RRP7A: variants seen among roughly 807,000 people sequenced by gnomAD.
RRP7A encodes ribosomal RNA processing 7 homolog A, also known as ribosomal RNA-processing protein 7 homolog A.
In RRP7A, 27 loss-of-function variants were observed where a neutral mutation model predicts 38.4. The ratio of observed to expected loss-of-function variants is 0.70; its 90% CI spans 0.52 to 0.97. The LOEUF is 0.97. Among genes scored for constraint, RRP7A ranks in the 50% least tolerant of loss-of-function variants. The pLI is 0.00. For synonymous variants in RRP7A, 124 were observed against 150.3 expected, an observed-to-expected ratio of 0.83 and a Z score of 1.28; for missense variants, 327 against 375.4, an observed-to-expected ratio of 0.87 and a Z score of 1.07.
At position 42,512,390 on chromosome 22, in the gene RRP7A, T is replaced by G; in HGVS notation, c.*520A>C. 1 of 667,968 alleles carries G rather than the reference T, an allele frequency of 1.5e-6. No homozygotes were observed. The highest frequency in any genetic ancestry group is 2.9e-5 in the Admixed American group (1 of 34,060). The allele number at this position is 667,968 out of a possible 1,614,324, so 41.4% of individuals were successfully genotyped here. A position where few individuals can be genotyped will look rare whatever the true frequency, so the allele number is the denominator to read the frequency against. ...ATGGTAGTCAGGGGAAGGAGCGAGA[T>G]TCCAACTTCAACATCTGTGACCTCA... On this transcript the variant is annotated 3_prime_UTR_variant, in exon 7 of 7. Transcript: ENST00000323013.
In RRP7A at chr22:42,511,914, TC is replaced by T; in HGVS notation, c.*995del. The T allele has an allele frequency of 1.6e-6, 1 of 642,916 alleles. No homozygotes were observed. The highest frequency in any genetic ancestry group is 2.8e-6 in the Non-Finnish European group (1 of 354,516). The allele number at this position is 642,916 out of a possible 1,614,324, so 39.8% of individuals were successfully genotyped here. ...AGCTGGCCTAGACCCCTGGGAGGCC[TC>T]CAAGTCCCTAAGGTTAGACATCTCC... On this transcript the variant is annotated 3_prime_UTR_variant, in exon 7 of 7. Coordinates refer to ENST00000323013, the MANE Select transcript of RRP7A (RefSeq NM_015703.5).
In RRP7A at chr22:42,514,263, C is replaced by T. The variant is rs1334940866; in HGVS notation, c.600G>A (p.Glu200=). ...GGCGGGTCACCTTCACCCAGCCCTC[C>T]TCGTCAGGGACCCCCTCCTCCTCCT... ...KAKEEEGVPD[E]EGWVKVTRRG... The change falls in exon 6 of 7, where the codon GAG becomes GAA. Residue 200 remains glutamate, a synonymous_variant. Coordinates refer to ENST00000323013, the MANE Select transcript of RRP7A (RefSeq NM_015703.5). 2.5e-6 allele frequency: 4 copies of T among 1,602,068 alleles called. No homozygotes were observed. The highest frequency in any genetic ancestry group is 3.4e-5 in the Admixed American group (2 of 58,964).
At chr22:42,514,605 T>C (rs2179231) in intron 5 of RRP7A, 77 bp downstream of exon 5, 130,184 of 1,203,822 alleles carry the variant, frequency 0.11, 8,657 homozygotes, top group Admixed American at 0.22. Context: ...AGGCCACCAC[T>C]GCCCTCCCTC....
At chr22:42,517,808 C>T (rs184946436) in intron 2 of RRP7A, among the ~76,000 whole-genome samples, 197 bp downstream of exon 2, 1 of 152,230 alleles carries the variant, frequency 6.6e-6, no homozygotes, top group Non-Finnish European at 1.5e-5. Context: ...GCATGAGCCA[C>T]CGTGCCTGGC....
rs775475843 is a variant in RRP7A at position 42,511,695 on chromosome 22, GTGGCTGGCTGGC to G, written c.*1203_*1214del. The G allele has an allele frequency of 3.6e-4, 61 of 168,880 alleles. No individual in the cohort carries two copies. The highest frequency in any genetic ancestry group is 6.1e-4 in the Admixed American group (10 of 16,336). The allele number at this position is 168,880 out of a possible 1,614,324, so 10.5% of individuals were successfully genotyped here. On this transcript the variant is annotated 3_prime_UTR_variant, in exon 7 of 7. Transcript: ENST00000323013. ...CACCACAAAAGGAAGAAGCCCACCT[GTGGCTGGCTGGC>G]TGGCCGCCAGGTCAGAGCCAAGGCA...
chr22:42,512,583 G>T lies in RRP7A; in HGVS notation c.*327C>A. 1 of 541,556 alleles carries T rather than the reference G, an allele frequency of 1.8e-6. No individual in the cohort carries two copies. Among genetic ancestry groups the T allele is most frequent in the Non-Finnish European group, 3.3e-6 (1 of 301,828 alleles). The allele number at this position is 541,556 out of a possible 1,614,324, so 33.5% of individuals were successfully genotyped here. On this transcript the variant is annotated 3_prime_UTR_variant, in exon 7 of 7. Coordinates refer to ENST00000323013, the MANE Select transcript of RRP7A (RefSeq NM_015703.5). Reference sequence around the variant, plus strand: ...TCACTGCTTTTGAGGCTTTTTCGTTGCCAGCAAGGGCTTTTGCATTGAGGG... The same window carrying T: ...TCACTGCTTTTGAGGCTTTTTCGTTTCCAGCAAGGGCTTTTGCATTGAGGG...
intron 5 of RRP7A, 142 bp from the exon 6 acceptor site, chr22:42,514,446 G>A: frequency 1.3e-6 from 1 of 790,654 alleles, no homozygotes. Flanking sequence ...ACAGTGTTGG[G>A]GCTAAGGATG....
rs1264724383 is a variant in RRP7A at position 42,509,223 on chromosome 22, G to T, written c.*3687C>A. 23 of 1,542,940 alleles carry T rather than the reference G, an allele frequency of 1.5e-5. No individual in the cohort carries two copies. The South Asian group carries it at 1.9e-4, about 13-fold the overall frequency. On this transcript the variant is annotated 3_prime_UTR_variant, in exon 7 of 7. Transcript: ENST00000323013. ...AAGTTCTCTGCGTGTCGACCACATC[G>T]CTAAGACTCAAGATCTTTTTTGGGA...
In RRP7A at chr22:42,509,850, G is replaced by GTGTGTGTGT. The variant is rs1555985851; in HGVS notation, c.*3059_*3060insACACACACA. On this transcript the variant is annotated 3_prime_UTR_variant, in exon 7 of 7. Coordinates refer to ENST00000323013, the MANE Select transcript of RRP7A (RefSeq NM_015703.5). ...AAGCCTGTTGGGGGTGGGGGGGTGG[G>GTGTGTGTGT]GTGTGTGTGTGTGTGTGTAAGCTCA... The GTGTGTGTGT allele has an allele frequency of 3.9e-4, 22 of 56,894 alleles. No homozygotes were observed. Among genetic ancestry groups the GTGTGTGTGT allele is most frequent in the East Asian group, 6.4e-4 (1 of 1,560 alleles). The allele number at this position is 56,894 out of a possible 1,614,324, so 3.5% of individuals were successfully genotyped here. A position where few individuals can be genotyped will look rare whatever the true frequency, so the allele number is the denominator to read the frequency against.
In RRP7A at chr22:42,509,028, GCA is replaced by G; in HGVS notation, c.*3880_*3881del. The stretch of plus-strand genomic sequence containing the variant: ...ATTCACCATGTTTTTGTCTCTGCAG[GCA>G]GAGAACAGCATTGACTTCGTCAGCA... On this transcript the variant is annotated 3_prime_UTR_variant, in exon 7 of 7. Transcript: ENST00000323013. The G allele has an allele frequency of 6.2e-7, 1 of 1,609,382 alleles. No homozygotes were observed. Among genetic ancestry groups the G allele is most frequent in the East Asian group, 2.2e-5 (1 of 44,890 alleles).
At chr22:42,518,922 A>G (rs1920939027) in intron 1 of RRP7A, among the ~76,000 whole-genome samples, 1 of 150,968 alleles carries the variant, frequency 6.6e-6, no homozygotes, top group African/African-American at 2.4e-5. Context: ...AACTTGTATC[A>G]ATTGTGAAAG....
In RRP7A at chr22:42,518,024, A is replaced by C. The variant is rs761090267; in HGVS notation, c.197T>G (p.Val66Gly). The change falls in exon 2 of 7, where the codon GTG becomes GGG. Residue 66 changes from valine (V) to glycine (G), a missense_variant. Val to Gly is a moderately radical substitution (Grantham distance 109). This residue lies in a region of RRP7A where 183 missense variants were observed against 141.8 expected (regional missense o/e 1.29). Transcript: ENST00000323013. Reference protein sequence around the residue: ...PQKRTLFVLNVPPYCTEESLS... With the variant: ...PQKRTLFVLNGPPYCTEESLS... ...GCTCACCTCTGTGCAGTATGGGGGC[A>C]CATTGAGGACAAAAAGAGTCCTCTT... 3 of 1,613,378 alleles carry C rather than the reference A, an allele frequency of 1.9e-6. No homozygotes were observed. The Admixed American group carries it at 5.0e-5, about 27-fold the overall frequency.
At chr22:42,517,360 A>G (rs982668962) in intron 2 of RRP7A, among the ~76,000 whole-genome samples, 1 of 150,986 alleles carries the variant, frequency 6.6e-6, no homozygotes, top group Admixed American at 6.6e-5. Flanking sequence ...AAAAAAAAAA[A>G]AAAAAATTAA....
At chr22:42,519,688 C>G (rs370321667) in intron 1 of RRP7A, 26 bp downstream of exon 1, 1 of 1,440,316 alleles carries the variant, frequency 6.9e-7, no homozygotes, top group Non-Finnish European at 9.1e-7. Flanking sequence ...TGACCGCCCC[C>G]GGTCTCGCGT....
rs761361106 is a variant in RRP7A at position 42,519,770 on chromosome 22, C to T, written c.17G>A (p.Arg6Lys). 2 of 1,448,218 alleles carry T rather than the reference C, an allele frequency of 1.4e-6. No individual in the cohort carries two copies. The highest frequency in any genetic ancestry group is 1.8e-6 in the Non-Finnish European group (2 of 1,101,834). 89.7% of individuals were successfully genotyped at this position (1,448,218 alleles called of 1,614,324 possible). Residue 6 changes from arginine (R) to lysine (K), a missense_variant, in exon 1 of 7, where the codon AGG becomes AAG. Physicochemically the swap from Arg to Lys is conservative, Grantham distance 26. This residue lies in a region of RRP7A where 183 missense variants were observed against 141.8 expected (regional missense o/e 1.29). Transcript: ENST00000323013. MVARR[R>K]KCAARDPEDR... ...CTCCGGGTCCCGCGCGGCGCACTTC[C>T]TCCTGCGCGCCACCATCTTGCCACC... is the stretch of plus-strand genomic sequence containing the variant.
At position 42,514,172 on chromosome 22, in the gene RRP7A, G is replaced by T. The variant is rs141279637; in HGVS notation, c.691C>A (p.Arg231=). The T allele has an allele frequency of 6.2e-7, 1 of 1,613,138 alleles. No homozygotes were observed. Among genetic ancestry groups the T allele is most frequent in the Non-Finnish European group, 8.5e-7 (1 of 1,179,804 alleles). Residue 231 remains arginine (R), a synonymous_variant, in exon 6 of 7, where the codon CGG becomes AGG. Coordinates refer to ENST00000323013, the MANE Select transcript of RRP7A (RefSeq NM_015703.5). The part of the protein sequence containing the change: ...ASLRVLERER[R]KRSRKELLNF... ...AGCAGCTCTTTTCGGCTGCGCTTCCGTCTCTCCCTCTCCAGCACCCGCAAG... is the reference window on the plus strand; with the variant it reads ...AGCAGCTCTTTTCGGCTGCGCTTCCTTCTCTCCCTCTCCAGCACCCGCAAG...
chr22:42,513,960 G>A, intron 6 of RRP7A, 146 bp downstream of exon 6: 1 of 716,382 alleles, frequency 1.4e-6, no homozygotes, highest in Non-Finnish European at 2.3e-6. Flanking sequence ...TCTTTCCACA[G>A]AGTCTGGTGC....
At chr22:42,515,496 G>A (rs887732504) in intron 3 of RRP7A, among the ~76,000 whole-genome samples, 2 of 152,254 alleles carry the variant, frequency 1.3e-5, no homozygotes, top group African/African-American at 4.8e-5. Flanking sequence ...CTCCTCCCCA[G>A]GAAGAGGGGA....
At position 42,509,633 on chromosome 22, in the gene RRP7A, A is replaced by G. The variant is rs1432857150; in HGVS notation, c.*3277T>C. Among the ~76,000 whole-genome samples, 2 of 151,942 alleles carry G rather than the reference A, an allele frequency of 1.3e-5. No individual in the cohort carries two copies. Among genetic ancestry groups the G allele is most frequent in the East Asian group, 1.9e-4 (1 of 5,164 alleles). On this transcript the variant is annotated 3_prime_UTR_variant, in exon 7 of 7. Transcript: ENST00000323013. ...CGAGAGCCACCGTGCGTGGCCCACCATAGACGATTTTTAAGCCATAAAAAG... is the reference window on the plus strand; with the variant it reads ...CGAGAGCCACCGTGCGTGGCCCACCGTAGACGATTTTTAAGCCATAAAAAG...
Sources: allele counts gnomAD v4.1 joint callset (sites outside exome capture counted in the v4.1 genomes callset), GRCh38; gene constraint gnomAD v4.1.1; regional missense constraint gnomAD v4.1.1; transcripts MANE v1.5; gene names NCBI Gene and HGNC (gene_info 2026-07-23, HGNC 2026-07-21).